ABCA13: variants seen among roughly 807,000 people sequenced by gnomAD.
ABCA13 encodes ATP-binding cassette sub-family A member 13.
Under a neutral mutation model 478.7 loss-of-function variants are expected in ABCA13, and 476 were observed. That is an observed-to-expected ratio of 0.99 (90% CI 0.92 to 1.07). The LOEUF is 1.07. Ranked by LOEUF, ABCA13 falls within the 50% of genes least tolerant of loss-of-function variation. ABCA13 has a pLI of 0.00. For synonymous variants in ABCA13, 2,252 were observed against 2,158.9 expected, an observed-to-expected ratio of 1.04 and a Z score of -1.20; for missense variants, 6,060 against 5,910.6, an observed-to-expected ratio of 1.03 and a Z score of -0.83.
In ABCA13 at chr7:48,274,052, C is replaced by T; in HGVS notation, c.4386C>T (p.Tyr1462=). ...NGSHINCVNI[Y]LKDVTDFLNI... is the part of the protein sequence containing the mutation. Reference sequence around the variant, plus strand: ...CACATATAAATTGTGTCAATATTTACTTGAAAGATGTAACTGACTTTCTAA... The same window carrying T: ...CACATATAAATTGTGTCAATATTTATTTGAAAGATGTAACTGACTTTCTAA... The change falls in exon 17 of 62, where the codon TAC becomes TAT. Residue 1462 remains tyrosine (Y), a synonymous_variant. Transcript: ENST00000435803. 6.2e-7 allele frequency: 1 copy of T among 1,605,768 alleles called. No homozygotes were observed.
At chr7:48,614,774 C>T (rs1271393545) in intron 58 of ABCA13, among the ~76,000 whole-genome samples, 2 of 149,112 alleles carry the variant, frequency 1.3e-5, no homozygotes, top group Non-Finnish European at 3.0e-5. Flanking sequence ...TCTGAGTAAA[C>T]TATCGCAAGA....
In ABCA13 at chr7:48,186,214, T is replaced by A. The variant is rs377112350; in HGVS notation, c.70-6745T>A. On this transcript the variant is annotated intron_variant, in intron 1 of 61. Coordinates refer to ENST00000435803, the MANE Select transcript of ABCA13 (RefSeq NM_152701.5). ...AGCATTATTTGAAATTAAAGCATAC[T>A]ATTTGAAAGTTTCTTTAGTGTAGGT... Among the ~76,000 whole-genome samples, 19 of 152,218 alleles carry A rather than the reference T, an allele frequency of 1.2e-4. No homozygotes were observed. In the East Asian group the frequency reaches 2.9e-3, roughly 23 times the overall value.
At chr7:48,463,229 A>G (rs1826460535) in intron 43 of ABCA13, among the ~76,000 whole-genome samples, 1 of 152,192 alleles carries the variant, frequency 6.6e-6, no homozygotes, top group Non-Finnish European at 1.5e-5. Context: ...ACCCCAGGAC[A>G]TGTGTTTGTT....
chr7:48,641,585 C>T (rs1023745747), intron 59 of ABCA13, among the ~76,000 whole-genome samples: 15 of 152,172 alleles, frequency 9.9e-5, no homozygotes, highest in Admixed American at 4.6e-4. Context: ...ACAACTGGTA[C>T]GTGGAGGAGC....
chr7:48,544,714 C>T (rs1784662440), intron 55 of ABCA13, among the ~76,000 whole-genome samples: 1 of 151,722 alleles, frequency 6.6e-6, no homozygotes, highest in South Asian at 2.1e-4. Flanking sequence ...AAGTGTTTCC[C>T]TGAGTTCTGT....
chr7:48,602,267 C>CT (rs967551491), intron 58 of ABCA13, among the ~76,000 whole-genome samples: 6 of 152,108 alleles, frequency 3.9e-5, no homozygotes, highest in Non-Finnish European at 5.9e-5. Context: ...GTTGCCATTG[C>CT]TTTTGGTGTT....
intron 29 of ABCA13, among the ~76,000 whole-genome samples, chr7:48,349,373 ATGT>A (rs1385540013): frequency 1.3e-5 from 2 of 152,132 alleles, no homozygotes; most frequent in African/African-American, 4.8e-5. Flanking sequence ...ACACTTCTTG[ATGT>A]TGTTTGGCAG....
At chr7:48,216,078 C>T (rs1326471325) in intron 3 of ABCA13, among the ~76,000 whole-genome samples, 1 of 152,110 alleles carries the variant, frequency 6.6e-6, no homozygotes, top group Non-Finnish European at 1.5e-5. Context: ...TATTCATGTG[C>T]AAGTTTTAAA....
At chr7:48,330,653 CTATT>C (rs1283814423) in intron 27 of ABCA13, among the ~76,000 whole-genome samples, 5 of 151,736 alleles carry the variant, frequency 3.3e-5, no homozygotes, top group Non-Finnish European at 5.9e-5. Flanking sequence ...ATCCATCCAT[CTATT>C]CATTCATTCA....
chr7:48,356,463 G>T (rs75230789), intron 31 of ABCA13, among the ~76,000 whole-genome samples: 2 of 151,472 alleles, frequency 1.3e-5, no homozygotes, highest in East Asian at 1.9e-4. Flanking sequence ...GTGTATAAAC[G>T]GGGGGGACAG....
chr7:48,420,289 A>G (rs6954922), intron 41 of ABCA13, among the ~76,000 whole-genome samples: 38,699 of 152,172 alleles, frequency 0.25, 5,648 homozygotes, highest in Middle Eastern at 0.36. Flanking sequence ...AAATGAAATC[A>G]TGATAGTCAC....
intron 42 of ABCA13, among the ~76,000 whole-genome samples, chr7:48,447,799 A>G (rs1005972784): frequency 5.9e-5 from 9 of 152,202 alleles, no homozygotes; most frequent in Non-Finnish European, 1.0e-4. Flanking sequence ...GTGAGATTAA[A>G]GCTGAAGATA....
At position 48,427,859 on chromosome 7, in the gene ABCA13, C is replaced by G. The variant is rs773711143; in HGVS notation, c.12553C>G (p.Leu4185Val). 18 of 1,602,462 alleles carry G rather than the reference C, an allele frequency of 1.1e-5. No individual in the cohort carries two copies. The highest frequency in any genetic ancestry group is 1.5e-5 in the Non-Finnish European group (18 of 1,175,284). Residue 4185 changes from leucine to valine, a missense_variant, in exon 42 of 62, where the codon CTG (leucine) becomes GTG (valine). Coordinates refer to ENST00000435803, the MANE Select transcript of ABCA13 (RefSeq NM_152701.5). ...GCAGAACCACAGGCCTACAGGACAT[C>G]TGTCTGGCTACTGTAAGTACAGAAT... ...ELQNHRPTGH[L>V]SGYCGSLARP...
rs183335632 is a variant in ABCA13, at chr7:48,645,057, C to T, written c.15081+303C>T. 6.8e-4 allele frequency among the ~76,000 whole-genome samples: 104 copies of T among 152,110 alleles called. No homozygotes were observed. The East Asian group carries it at 0.012, about 18-fold the overall frequency. On this transcript the variant is annotated intron_variant, in intron 61 of 61. Coordinates refer to ENST00000435803, the MANE Select transcript of ABCA13 (RefSeq NM_152701.5). ...CCTTACTCAGCCCCACAAGACTTTT[C>T]GGGGGGGCTTCACTGTAATCAAATG...
At chr7:48,408,002 A>T (rs1422391711) in intron 39 of ABCA13, among the ~76,000 whole-genome samples, 1 of 152,204 alleles carries the variant, frequency 6.6e-6, no homozygotes, top group African/African-American at 2.4e-5. Context: ...CCAAGGGACA[A>T]ATGTATGTAT....
In ABCA13 at chr7:48,338,388, A is replaced by T. The variant is rs1806603822; in HGVS notation, c.10137A>T (p.Val3379=). The T allele has an allele frequency of 6.2e-7, 1 of 1,600,262 alleles. No individual in the cohort carries two copies. The highest frequency in any genetic ancestry group is 1.3e-5 in the African/African-American group (1 of 74,688). The change falls in exon 29 of 62, where the codon GTA becomes GTT. Residue 3379 remains valine (V), a synonymous_variant. Transcript: ENST00000435803. ...QLQEALRNKF[V]RNFVENQLHI... is the part of the protein sequence containing the mutation. ...AGGAGGCCCTGAGAAACAAATTTGT[A>T]AGAAACTTTGTAGAAAACCAGTTGC...
chr7:48,354,920 C>T (rs1341177224), intron 31 of ABCA13, among the ~76,000 whole-genome samples: 2 of 151,966 alleles, frequency 1.3e-5, no homozygotes, highest in African/African-American at 2.4e-5. Flanking sequence ...CAGTTTCCTC[C>T]TGCTTACTGA....
At chr7:48,403,129 C>G (rs1051784030) in intron 38 of ABCA13, among the ~76,000 whole-genome samples, 5 of 152,250 alleles carry the variant, frequency 3.3e-5, no homozygotes, top group Non-Finnish European at 7.3e-5. Context: ...TGCAACGGAA[C>G]AGGACACTTG....
chr7:48,573,230 C>A (rs1382061441), intron 55 of ABCA13, among the ~76,000 whole-genome samples: 1 of 152,054 alleles, frequency 6.6e-6, no homozygotes, highest in Admixed American at 6.5e-5. Context: ...TAATTCACCT[C>A]TTTTTCCTCT....
Sources: allele counts gnomAD v4.1 joint callset (sites outside exome capture counted in the v4.1 genomes callset), GRCh38; gene constraint gnomAD v4.1.1; transcripts MANE v1.5; gene names NCBI Gene and HGNC (gene_info 2026-07-23, HGNC 2026-07-21).